The following GPC6 variants were observed in gnomAD, a reference collection of about 807,000 sequenced individuals.
The protein encoded by GPC6 is glypican 6, also known as glypican-6.
Under a neutral mutation model 55.2 loss-of-function variants are expected in GPC6, and 14 were observed. The ratio of observed to expected loss-of-function variants is 0.25; its 90% CI spans 0.17 to 0.40. The LOEUF is 0.40. Among genes scored for constraint, GPC6 ranks in the 10% least tolerant of loss-of-function variants. The probability of loss-of-function intolerance (pLI) is 1.00; values close to 1 mark genes in which losing one functional copy is unlikely to be tolerated. For synonymous variants in GPC6, 278 were observed against 259.6 expected (o/e 1.07, Z -0.68); for missense variants, 641 against 708.5 (o/e 0.90, Z 1.08).
intron 3 of GPC6, among the ~76,000 whole-genome samples, chr13:93,851,397 A>C (rs1888390818): frequency 6.6e-6 from 1 of 151,894 alleles, no homozygotes; most frequent in South Asian, 2.1e-4. Flanking sequence ...TTTGATTGGC[A>C]TGTGTATCCT....
At chr13:94,070,956 T>A (rs1481614851) in intron 4 of GPC6, among the ~76,000 whole-genome samples, 3 of 152,204 alleles carry the variant, frequency 2.0e-5, no homozygotes, top group Non-Finnish European at 4.4e-5. Flanking sequence ...ATTGATCCAG[T>A]AGAATAATTG....
chr13:93,411,492 G>C (rs1876493078), intron 1 of GPC6, among the ~76,000 whole-genome samples: 2 of 152,150 alleles, frequency 1.3e-5, no homozygotes, highest in Non-Finnish European at 2.9e-5. Context: ...TCAGACATAA[G>C]TGCGCAGATA....
chr13:94,255,123 G>C (rs562318597), intron 4 of GPC6, among the ~76,000 whole-genome samples: 1 of 152,154 alleles, frequency 6.6e-6, no homozygotes, highest in African/African-American at 2.4e-5. Context: ...GCAGTTGTTA[G>C]AATCCCAGCC....
chr13:93,312,897 G>A (rs936532732), intron 1 of GPC6, among the ~76,000 whole-genome samples: 2 of 152,108 alleles, frequency 1.3e-5, no homozygotes, highest in African/African-American at 4.8e-5. Context: ...TCTATAAACT[G>A]TACTGAAGCC....
intron 3 of GPC6, among the ~76,000 whole-genome samples, chr13:93,894,397 T>G (rs1428666337): frequency 6.6e-6 from 1 of 152,208 alleles, no homozygotes; most frequent in South Asian, 2.1e-4. Context: ...TTTTGCTGAA[T>G]TATTAACCTA....
intron 1 of GPC6, among the ~76,000 whole-genome samples, chr13:93,535,707 CA>C (rs1199138943): frequency 1.4e-5 from 2 of 143,132 alleles, no homozygotes; most frequent in African/African-American, 5.7e-5. Context: ...AAAAACCAAG[CA>C]GAACTGATTT....
chr13:93,512,548 T>C (rs932935407), intron 1 of GPC6, among the ~76,000 whole-genome samples: 5 of 152,214 alleles, frequency 3.3e-5, no homozygotes, highest in South Asian at 4.1e-4. Context: ...TGATTTGCTG[T>C]TGGATTCAGT....
chr13:93,573,544 C>G (rs915092992), intron 2 of GPC6, among the ~76,000 whole-genome samples: 11 of 151,696 alleles, frequency 7.3e-5, no homozygotes, highest in Admixed American at 5.9e-4. Context: ...TTTTCAAAAC[C>G]AACCAATCAA....
intron 3 of GPC6, among the ~76,000 whole-genome samples, chr13:93,968,826 CAAATT>C (rs1880159181): frequency 6.6e-6 from 1 of 151,886 alleles, no homozygotes; most frequent in African/African-American, 2.4e-5. Flanking sequence ...ATGGAAATAA[CAAATT>C]AGAGTTTAAT....
At chr13:94,015,865 T>C (rs1882446048) in intron 3 of GPC6, among the ~76,000 whole-genome samples, 1 of 152,240 alleles carries the variant, frequency 6.6e-6, no homozygotes, top group Non-Finnish European at 1.5e-5. Context: ...TGTATGTCTG[T>C]TCTTACACCA....
At position 94,120,701 on chromosome 13, in the gene GPC6, A is replaced by G. The variant is rs566697667; in HGVS notation, c.877+92807A>G. Among the ~76,000 whole-genome samples, 7 of 152,260 alleles carry G rather than the reference A, an allele frequency of 4.6e-5. No individual in the cohort carries two copies. In the South Asian group the frequency reaches 1.0e-3, roughly 23 times the overall value. ...CTGATAAAGGCTTTGGAATATAAAT[A>G]TAGACTTTATAAATAAAGCCTGAGG... On this transcript the variant is annotated intron_variant, in intron 4 of 8. Coordinates refer to ENST00000377047, the MANE Select transcript of GPC6 (RefSeq NM_005708.5).
intron 2 of GPC6, among the ~76,000 whole-genome samples, chr13:93,580,934 A>C (rs1474407680): frequency 6.6e-6 from 1 of 152,182 alleles, no homozygotes; most frequent in African/African-American, 2.4e-5. Context: ...CCATATAATT[A>C]AATATAAAAG....
intron 4 of GPC6, among the ~76,000 whole-genome samples, chr13:94,163,248 A>G (rs1415790511): frequency 6.6e-6 from 1 of 151,732 alleles, no homozygotes. Flanking sequence ...TATCTGGCGA[A>G]CTCCTATTTT....
chr13:93,536,285 A>G (rs1219605151), intron 1 of GPC6, among the ~76,000 whole-genome samples: 2 of 152,166 alleles, frequency 1.3e-5, no homozygotes, highest in Non-Finnish European at 2.9e-5. Flanking sequence ...AGTATGTTTA[A>G]TGGCATCAAG....
At chr13:93,574,376 C>A (rs9561400) in intron 2 of GPC6, among the ~76,000 whole-genome samples, 5,209 of 152,064 alleles carry the variant, frequency 0.034, 310 homozygotes, top group East Asian at 0.31. Flanking sequence ...TGTCTACAAG[C>A]CAAGATTGAG....
chr13:93,426,258 T>C (rs1877122061), intron 1 of GPC6, among the ~76,000 whole-genome samples: 1 of 152,090 alleles, frequency 6.6e-6, no homozygotes. Context: ...TATTATACTT[T>C]AAGTTTTAGG....
At chr13:93,418,045 A>T (rs1876770073) in intron 1 of GPC6, among the ~76,000 whole-genome samples, 1 of 152,044 alleles carries the variant, frequency 6.6e-6, no homozygotes, top group South Asian at 2.1e-4. Context: ...GTACTTGGAA[A>T]TACAAACAAT....
At chr13:94,352,014 G>A (rs1039496736) in intron 6 of GPC6, among the ~76,000 whole-genome samples, 10 of 149,968 alleles carry the variant, frequency 6.7e-5, no homozygotes, top group African/African-American at 1.5e-4. Context: ...AAAATAGAAC[G>A]AAGAAGCAGG....
chr13:93,402,944 G>C (rs767094108), intron 1 of GPC6, among the ~76,000 whole-genome samples: 1 of 151,986 alleles, frequency 6.6e-6, no homozygotes, highest in African/African-American at 2.4e-5. Flanking sequence ...ATCGCTTTGA[G>C]ATAATTTTTT....
Sources: allele counts gnomAD v4.1 joint callset (sites outside exome capture counted in the v4.1 genomes callset), GRCh38; gene constraint gnomAD v4.1.1; transcripts MANE v1.5; gene names NCBI Gene and HGNC (gene_info 2026-07-23, HGNC 2026-07-21).